POMK: variants seen among roughly 807,000 people sequenced by gnomAD.
POMK encodes the protein Sugen kinase 196.
Under a neutral mutation model 23.0 loss-of-function variants are expected in POMK, and 19 were observed. The observed-to-expected ratio is 0.83, with a 90% CI of 0.58 to 1.21. The LOEUF (loss-of-function observed/expected upper bound fraction) is 1.21, where lower values mean the gene tolerates loss of function less well. POMK is among the 50% of genes most tolerant of loss of function. The pLI is 0.00. For missense variants in POMK, 410 were observed against 431.3 expected, an observed-to-expected ratio of 0.95 and a Z score of 0.44; for synonymous variants, 173 against 171.6, an observed-to-expected ratio of 1.01 and a Z score of -0.06.
At chr8:43,094,001 G>A (rs111627346) in intron 1 of POMK, among the ~76,000 whole-genome samples, 7,239 of 152,332 alleles carry the variant, frequency 0.048, 343 homozygotes, top group African/African-American at 0.12. Context: ...GCTTGAACCC[G>A]GCGGGGGCGG....
At chr8:43,114,850 A>G (rs1178567588) in intron 4 of POMK, among the ~76,000 whole-genome samples, 1 of 152,236 alleles carries the variant, frequency 6.6e-6, no homozygotes, top group African/African-American at 2.4e-5. Context: ...CACCTGTGTC[A>G]GGGGAGCTGC....
At chr8:43,121,901 A>G (rs189458285) in intron 4 of POMK, among the ~76,000 whole-genome samples, 6 of 152,294 alleles carry the variant, frequency 3.9e-5, no homozygotes, top group Non-Finnish European at 5.9e-5. Flanking sequence ...TCCACCCACT[A>G]ATGTGGCACT....
intron 1 of POMK, among the ~76,000 whole-genome samples, chr8:43,096,403 C>T (rs1045683728): frequency 6.6e-6 from 1 of 151,584 alleles, no homozygotes; most frequent in African/African-American, 2.4e-5. Flanking sequence ...TGGCTCATGC[C>T]TGTAATCCCA....
intron 4 of POMK, among the ~76,000 whole-genome samples, chr8:43,120,902 C>A (rs1811905355): frequency 6.6e-6 from 1 of 152,112 alleles, no homozygotes; most frequent in African/African-American, 2.4e-5. Context: ...GTCTTGAATT[C>A]CTGACCTCAG....
At chr8:43,119,353 G>C (rs1349559023) in intron 4 of POMK, among the ~76,000 whole-genome samples, 1 of 150,532 alleles carries the variant, frequency 6.6e-6, no homozygotes, top group Non-Finnish European at 1.5e-5. Flanking sequence ...AAAAAATCTT[G>C]AACTTTTAGA....
rs151030281 is a variant in POMK at position 43,095,878 on chromosome 8, G to A, written c.-209-1646G>A. On this transcript the variant is annotated intron_variant, in intron 1 of 4. Transcript: ENST00000331373. Reference sequence around the variant, plus strand: ...AGGTTAGGGGTAAGGAGGGTTGGAGGGTTGAAAGGATTTATCGCAGGGTTT... The same window carrying A: ...AGGTTAGGGGTAAGGAGGGTTGGAGAGTTGAAAGGATTTATCGCAGGGTTT... Among the ~76,000 whole-genome samples the A allele has an allele frequency of 4.5e-3, 683 of 152,328 alleles. 9 individuals carry two copies. The highest frequency in any genetic ancestry group is 0.016 in the African/African-American group (652 of 41,564).
In POMK at chr8:43,104,089, C is replaced by T. The variant is rs555746391; in HGVS notation, c.282+259C>T. Among the ~76,000 whole-genome samples the T allele has an allele frequency of 7.2e-5, 11 of 151,758 alleles. No individual in the cohort carries two copies. In the South Asian group the frequency reaches 1.5e-3, roughly 20 times the overall value. On this transcript the variant is annotated intron_variant, in intron 4 of 4. Transcript: ENST00000331373. ...AGTGTTAGGAGCCCTGCTAGCTCTA[C>T]GTTTTTATTGTTGAGCTCAATAATC...
intron 4 of POMK, among the ~76,000 whole-genome samples, chr8:43,108,249 A>C (rs976006414): frequency 6.6e-6 from 1 of 152,180 alleles, no homozygotes; most frequent in African/African-American, 2.4e-5. Context: ...CAGTTTTCCC[A>C]AGGGCTTTTA....
At chr8:43,103,464 T>G in intron 3 of POMK, 64 bp from the exon 4 acceptor site, 2 of 1,503,042 alleles carry the variant, frequency 1.3e-6, no homozygotes, top group Non-Finnish European at 1.8e-6. Flanking sequence ...TCAGAACACA[T>G]TTTTGGAAAT....
intron 2 of POMK, among the ~76,000 whole-genome samples, chr8:43,098,753 C>T (rs1365728560): frequency 6.6e-6 from 1 of 152,200 alleles, no homozygotes; most frequent in Non-Finnish European, 1.5e-5. Flanking sequence ...AGTTTTTCCA[C>T]ATTCCCCTAT....
chr8:43,096,833 C>T (rs887263417), intron 1 of POMK, among the ~76,000 whole-genome samples: 2 of 152,090 alleles, frequency 1.3e-5, no homozygotes, highest in African/African-American at 4.8e-5. Context: ...ATGGATAAAT[C>T]TCAGAAATGT....
intron 1 of POMK, among the ~76,000 whole-genome samples, chr8:43,094,704 T>C (rs1478960188): frequency 2.6e-5 from 4 of 152,252 alleles, no homozygotes; most frequent in Non-Finnish European, 4.4e-5. Context: ...TCCCTAGTTG[T>C]AGAAAATATC....
At chr8:43,101,271 C>A (rs542467006) in intron 2 of POMK, among the ~76,000 whole-genome samples, 1 of 151,722 alleles carries the variant, frequency 6.6e-6, no homozygotes, top group Admixed American at 6.6e-5. Context: ...AAAAAAAATA[C>A]AAAAATTAGC....
At chr8:43,102,137 C>T (rs2130599198) in intron 2 of POMK, among the ~76,000 whole-genome samples, 1 of 152,346 alleles carries the variant, frequency 6.6e-6, no homozygotes, top group South Asian at 2.1e-4. Flanking sequence ...TGTTTATTGT[C>T]TGTCTTCCCC....
At chr8:43,113,876 T>C (rs1811735154) in intron 4 of POMK, among the ~76,000 whole-genome samples, 1 of 152,242 alleles carries the variant, frequency 6.6e-6, no homozygotes, top group Non-Finnish European at 1.5e-5. Context: ...AGAGGTCCAC[T>C]CCAGACCCTG....
Position 43,122,269 on chromosome 8 carries a change from A to C in POMK, c.445A>C (p.Thr149Pro). Residue 149 changes from threonine to proline, a missense_variant, in exon 5 of 5, where the codon ACT (threonine) becomes CCT (proline). Thr to Pro is a conservative substitution (Grantham distance 38, BLOSUM62 -1). Coordinates refer to ENST00000331373, the MANE Select transcript of POMK (RefSeq NM_032237.5). ...TTGTGAGGATGACAACACTATGCTT[A>C]CTGAATATCACCCTCTAGGTTCCTT... ...GYCEDDNTML[T>P]EYHPLGSLSN... 1 of 1,614,222 alleles carries C rather than the reference A, an allele frequency of 6.2e-7. No individual in the cohort carries two copies. Among genetic ancestry groups the C allele is most frequent in the Non-Finnish European group, 8.5e-7 (1 of 1,180,032 alleles).
At chr8:43,094,352 T>TA (rs35496523) in intron 1 of POMK, among the ~76,000 whole-genome samples, 4 of 151,814 alleles carry the variant, frequency 2.6e-5, no homozygotes, top group Non-Finnish European at 5.9e-5. Context: ...TGTCTCTGTT[T>TA]AAAAAAACAA....
intron 4 of POMK, among the ~76,000 whole-genome samples, chr8:43,111,666 C>G (rs998441818): frequency 6.6e-6 from 1 of 152,154 alleles, no homozygotes; most frequent in East Asian, 1.9e-4. Flanking sequence ...CTGGGAGGCA[C>G]CCCCCAGTAG....
chr8:43,093,966 A>G (rs1563334238), intron 1 of POMK, among the ~76,000 whole-genome samples: 1 of 152,008 alleles, frequency 6.6e-6, no homozygotes, highest in Non-Finnish European at 1.5e-5. Context: ...AGTCTTATCT[A>G]CTCCGGAGGC....
Sources: gnomAD v4.1 joint callset for allele counts (sites outside exome capture counted in the v4.1 genomes callset) on GRCh38, gnomAD v4.1.1 for gene constraint, MANE v1.5 for transcripts, NCBI Gene and HGNC (gene_info 2026-07-23, HGNC 2026-07-21) for gene names.